Variants in ANO3 observed in about 807,000 individuals in gnomAD.
ANO3 encodes the protein anoctamin-3.
ANO3 carries 99 observed loss-of-function variants against 144.8 expected under a neutral mutation model. The ratio of observed to expected loss-of-function variants is 0.68; its 90% CI spans 0.58 to 0.81. ANO3 has a LOEUF of 0.81. ANO3 is among the 30% of genes least tolerant of loss of function. The pLI is 0.00. For missense variants in ANO3, 905 were observed against 1,202.2 expected (o/e 0.75, Z 3.66); for synonymous variants, 414 against 392.6 (o/e 1.05, Z -0.64).
intron 9 of ANO3, 65 bp downstream of exon 9, chr11:26,534,627 T>A (rs1368758047): frequency 9.7e-6 from 11 of 1,135,454 alleles, no homozygotes; most frequent in Admixed American, 1.8e-5. Context: ...AATTATTGTT[T>A]TTTTTAACAG....
chr11:26,458,447 T>C (rs994243265), intron 3 of ANO3, among the ~76,000 whole-genome samples: 9 of 152,140 alleles, frequency 5.9e-5, no homozygotes, highest in Non-Finnish European at 1.2e-4. Flanking sequence ...CTAGTTAAAA[T>C]AGGTAACACA....
Position 26,643,238 on chromosome 11 carries a change from T to A in ANO3, c.2332T>A (p.Leu778Met). ...TGCGGCTTTTCCTCTAGCCCCTCTT[T>A]TGGCTTTGTTAAACAATATCATTGA... is the stretch of plus-strand genomic sequence containing the variant. ...FVAAFPLAPL[L>M]ALLNNIIEIR... Residue 778 changes from leucine (L) to methionine (M), a missense_variant, in exon 23 of 27, where the codon TTG (leucine) becomes ATG (methionine). By Grantham distance (15) the Leu-to-Met change is conservative. Around this residue, in one of 4 missense-constraint regions of ANO3, gnomAD observed 597 missense variants for 865.1 expected, o/e 0.69. Coordinates refer to ENST00000256737, the MANE Select transcript of ANO3 (RefSeq NM_031418.4). 6.2e-7 allele frequency: 1 copy of A among 1,614,202 alleles called. No homozygotes were observed.
intron 9 of ANO3, among the ~76,000 whole-genome samples, chr11:26,535,859 A>G (rs997444875): frequency 1.3e-5 from 2 of 151,834 alleles, no homozygotes; most frequent in African/African-American, 4.8e-5. Context: ...CTGGGATTAC[A>G]GGTGTGAGCC....
chr11:26,306,160 G>A (rs533344407), upstream of ANO3, among the ~76,000 whole-genome samples: 15 of 144,002 alleles, frequency 1.0e-4, no homozygotes, highest in Non-Finnish European at 2.0e-4. Context: ...ATTTTTGGTA[G>A]AGACGGGGTT....
intron 1 of ANO3, among the ~76,000 whole-genome samples, chr11:26,366,487 A>G (rs189310101): frequency 1.0e-3 from 152 of 152,194 alleles, no homozygotes; most frequent in African/African-American, 3.1e-3. Flanking sequence ...TATACTGGGT[A>G]TATACCTAGT....
At chr11:26,420,593 G>T (rs1238138646) in intron 1 of ANO3, among the ~76,000 whole-genome samples, 1 of 152,022 alleles carries the variant, frequency 6.6e-6, no homozygotes, top group Non-Finnish European at 1.5e-5. Flanking sequence ...CTATTGTTTG[G>T]CAGTGGCTGT....
chr11:26,450,748 A>C lies in ANO3; in HGVS notation c.313+6912A>C, dbSNP rs556945160. On this transcript the variant is annotated intron_variant, in intron 3 of 26. Transcript: ENST00000256737. ...GCTGTTGTGAGACTCAAATTAGACA[A>C]TATTTGTCAGAGATCTACTCACACA... 1.8e-4 allele frequency among the ~76,000 whole-genome samples: 27 copies of C among 151,478 alleles called. 1 individual carries two copies. The highest frequency in any genetic ancestry group is 1.3e-3 in the Admixed American group (20 of 15,244).
At chr11:26,447,098 G>A (rs745485369) in intron 3 of ANO3, among the ~76,000 whole-genome samples, 3 of 150,668 alleles carry the variant, frequency 2.0e-5, no homozygotes, top group African/African-American at 7.3e-5. Context: ...TCCCAGCTAC[G>A]CAGGAGGCTG....
intron 1 of ANO3, among the ~76,000 whole-genome samples, chr11:26,194,446 G>GTGTGTGTGTGTA (rs1554920717): frequency 6.7e-4 from 78 of 116,726 alleles, no homozygotes; most frequent in African/African-American, 2.3e-3. Context: ...AGTGGTGTGT[G>GTGTGTGTGTGTA]TGTGTGTGTG....
chr11:26,636,624 C>A (rs1852967282), intron 20 of ANO3, among the ~76,000 whole-genome samples: 1 of 152,188 alleles, frequency 6.6e-6, no homozygotes, highest in Non-Finnish European at 1.5e-5. Flanking sequence ...AATTTCCCTA[C>A]AATTGTACAA....
chr11:26,413,121 C>T (rs181962203), intron 1 of ANO3, among the ~76,000 whole-genome samples: 1 of 152,066 alleles, frequency 6.6e-6, no homozygotes, highest in African/African-American at 2.4e-5. Context: ...AATCCCACAG[C>T]AGCCATGTAC....
chr11:26,217,508 G>C (rs1474170905), intron 1 of ANO3, among the ~76,000 whole-genome samples: 2 of 152,006 alleles, frequency 1.3e-5, no homozygotes, highest in Non-Finnish European at 2.9e-5. Flanking sequence ...CATAGAGAGA[G>C]ATCATAAGCT....
At chr11:26,206,184 G>C (rs986256477) in intron 1 of ANO3, among the ~76,000 whole-genome samples, 3 of 152,100 alleles carry the variant, frequency 2.0e-5, no homozygotes, top group African/African-American at 7.2e-5. Context: ...ACTAATTTGA[G>C]CATTTAGTTG....
intron 1 of ANO3, among the ~76,000 whole-genome samples, chr11:26,218,395 A>C (rs1317573863): frequency 6.6e-6 from 1 of 151,960 alleles, no homozygotes; most frequent in Non-Finnish European, 1.5e-5. Flanking sequence ...TTTTCTTTTC[A>C]GTATTTTCTT....
chr11:26,376,708 A>G (rs1856421941), intron 1 of ANO3, among the ~76,000 whole-genome samples: 1 of 152,112 alleles, frequency 6.6e-6, no homozygotes. Context: ...TTGGTCATGG[A>G]TCCTGATGCG....
chr11:26,284,016 G>A (rs1590233364), intron 1 of ANO3, among the ~76,000 whole-genome samples: 2 of 152,162 alleles, frequency 1.3e-5, no homozygotes, highest in African/African-American at 4.8e-5. Context: ...GGGGAACTGT[G>A]CTGGGGCGGG....
intron 4 of ANO3, among the ~76,000 whole-genome samples, chr11:26,494,869 T>C (rs1860864509): frequency 6.6e-6 from 1 of 152,154 alleles, no homozygotes; most frequent in Non-Finnish European, 1.5e-5. Flanking sequence ...TATGTCTGTG[T>C]GGTTTTCTCC....
chr11:26,297,189 G>GTT (rs1554935598), intron 1 of ANO3, among the ~76,000 whole-genome samples: 3 of 151,682 alleles, frequency 2.0e-5, no homozygotes, highest in African/African-American at 7.3e-5. Context: ...CATTGCGTGT[G>GTT]TGTGTGTGTG....
intron 4 of ANO3, among the ~76,000 whole-genome samples, chr11:26,495,269 ATT>A (rs57546253): frequency 0.67 from 81,526 of 121,084 alleles, 27,171 homozygotes; most frequent in Middle Eastern, 0.8. Flanking sequence ...CGGCTGGCTG[ATT>A]TTTTTTTTTT....
Sources: gnomAD v4.1 joint callset for allele counts (sites outside exome capture counted in the v4.1 genomes callset) on GRCh38, gnomAD v4.1.1 for gene constraint, gnomAD v4.1.1 regional missense constraint, MANE v1.5 for transcripts, NCBI Gene and HGNC (gene_info 2026-07-23, HGNC 2026-07-21) for gene names.